Variants in ATAD5 observed in about 807,000 individuals in gnomAD.
ATAD5 encodes ATPase family AAA domain containing 5.
A neutral mutation model predicts 176.9 loss-of-function variants in ATAD5; 58 were observed. The ratio of observed to expected loss-of-function variants is 0.33; its 90% CI spans 0.27 to 0.41. The LOEUF is 0.41. Among genes scored for constraint, ATAD5 ranks in the 10% least tolerant of loss-of-function variants. The pLI is 1.00. For missense variants in ATAD5, 1,789 were observed against 2,094.1 expected (o/e 0.85, Z 2.84); for synonymous variants, 640 against 712.6 (o/e 0.90, Z 1.62).
rs71142005 is a variant in ATAD5, at chr17:30,878,718, G to GTTTTTTTTTTTTTTTTTTTTT, written c.4012+632_4012+652dup. Among the ~76,000 whole-genome samples the GTTTTTTTTTTTTTTTTTTTTT allele has an allele frequency of 5.3e-5, 3 of 56,838 alleles. 1 individual carries two copies. The highest frequency in any genetic ancestry group is 9.7e-5 in the Non-Finnish European group (3 of 30,944). 37.3% of individuals were successfully genotyped at this position (56,838 alleles called of 152,430 possible). A position where few individuals can be genotyped will look rare whatever the true frequency, so the allele number is the denominator to read the frequency against. ...TCTTATTAATCAGAAGTTAGGTGGT[G>GTTTTTTTTTTTTTTTTTTTTT]TTTTTTTTTTTTTTTTTTTTTTTTT... is the stretch of plus-strand genomic sequence containing the variant. On this transcript the variant is annotated intron_variant, in intron 17 of 22. Coordinates refer to ENST00000321990, the MANE Select transcript of ATAD5 (RefSeq NM_024857.5).
intron 9 of ATAD5, 114 bp from the exon 10 acceptor site, chr17:30,860,319 T>A (rs1907550670): frequency 4.0e-6 from 5 of 1,235,530 alleles, no homozygotes; most frequent in Non-Finnish European, 5.6e-6. Context: ...CCACTGCACC[T>A]GGATTGCCTT....
Position 30,834,498 on chromosome 17 carries a change from C to T in ATAD5, c.417C>T (p.Asp139=), listed in dbSNP as rs202218286. Residue 139 remains aspartate (D), a synonymous_variant, in exon 2 of 23, where the codon GAC becomes GAT. Transcript: ENST00000321990. ...ENEAPIEISS[D]DSKEDYSLNN... Reference sequence around the variant, plus strand: ...AAGCTCCAATTGAAATTAGTAGCGACGATAGCAAAGAAGACTATAGTTTAA... The same window carrying T: ...AAGCTCCAATTGAAATTAGTAGCGATGATAGCAAAGAAGACTATAGTTTAA... 148 of 1,585,464 alleles carry T rather than the reference C, an allele frequency of 9.3e-5. No homozygotes were observed. Among genetic ancestry groups the T allele is most frequent in the East Asian group, 1.3e-4 (6 of 44,726 alleles).
chr17:30,835,474 A>G lies in ATAD5; in HGVS notation c.1393A>G (p.Thr465Ala). The G allele has an allele frequency of 6.2e-7, 1 of 1,609,576 alleles. No homozygotes were observed. The highest frequency in any genetic ancestry group is 1.3e-5 in the African/African-American group (1 of 74,792). The change falls in exon 2 of 23, where the codon ACT (threonine) becomes GCT (alanine). Residue 465 changes from threonine (T) to alanine (A), a missense_variant. Transcript: ENST00000321990. Reference sequence around the variant, plus strand: ...AAAAAATGGCAATTTACAGTTACACACTGATAAAGGAAGTTTTCTGAAGGA... The same window carrying G: ...AAAAAATGGCAATTTACAGTTACACGCTGATAAAGGAAGTTTTCTGAAGGA... Reference protein sequence around the residue: ...VSKNGNLQLHTDKGSFLKEKN... With the variant: ...VSKNGNLQLHADKGSFLKEKN...
chr17:30,840,657 T>C lies in ATAD5; in HGVS notation c.2117T>C (p.Leu706Ser). 1 of 1,582,180 alleles carries C rather than the reference T, an allele frequency of 6.3e-7. No individual in the cohort carries two copies. The highest frequency in any genetic ancestry group is 8.6e-7 in the Non-Finnish European group (1 of 1,166,028). The stretch of plus-strand genomic sequence containing the variant: ...AAAAACATATCAAAAGCAAAACAAT[T>C]GATTGAAAAAGCAAAAGCTTTACAC... Reference protein sequence around the residue: ...TSKNISKAKQLIEKAKALHIS... With the variant: ...TSKNISKAKQSIEKAKALHIS... The change falls in exon 4 of 23, where the codon TTG (leucine) becomes TCG (serine). Residue 706 changes from leucine (L) to serine (S), a missense_variant. Physicochemically the swap from Leu to Ser is moderately radical, Grantham distance 145. Around this residue, in one of 6 missense-constraint regions of ATAD5, gnomAD observed 487 missense variants for 573.6 expected, o/e 0.85. Coordinates refer to ENST00000321990, the MANE Select transcript of ATAD5 (RefSeq NM_024857.5).
chr17:30,869,752 G>T (rs1050956528), intron 14 of ATAD5, 106 bp downstream of exon 14: 3 of 1,262,896 alleles, frequency 2.4e-6, no homozygotes, highest in Admixed American at 2.9e-5. Flanking sequence ...TCTTCTACAC[G>T]TACACGTTTC....
intron 3 of ATAD5, among the ~76,000 whole-genome samples, chr17:30,840,097 C>T (rs1906008009): frequency 6.7e-6 from 1 of 149,868 alleles, no homozygotes; most frequent in Admixed American, 6.7e-5. Flanking sequence ...ACTTGGGAGG[C>T]TGAGGCAGGA....
chr17:30,885,623 CTTTTTTTTTTTTTT>C (rs778733612), intron 18 of ATAD5, among the ~76,000 whole-genome samples: 1 of 93,812 alleles, frequency 1.1e-5, no homozygotes, highest in African/African-American at 4.0e-5. Context: ...TTCCAACTTT[CTTTTTTTTTTTTTT>C]TTTTTTTTTT....
At chr17:30,888,275 G>A (rs1165472939) in intron 19 of ATAD5, among the ~76,000 whole-genome samples, 1 of 152,074 alleles carries the variant, frequency 6.6e-6, no homozygotes, top group East Asian at 1.9e-4. Context: ...ATTTTGGCCT[G>A]GCACAGTGTC....
chr17:30,844,426 C>T (rs370418943), intron 5 of ATAD5, among the ~76,000 whole-genome samples: 292 of 152,032 alleles, frequency 1.9e-3, no homozygotes, highest in African/African-American at 6.5e-3. Flanking sequence ...CCACTGCACC[C>T]GGCCTGTGTT....
intron 4 of ATAD5, among the ~76,000 whole-genome samples, chr17:30,843,314 T>C (rs1906246989): frequency 6.6e-6 from 1 of 151,706 alleles, no homozygotes; most frequent in African/African-American, 2.4e-5. Flanking sequence ...ATCATGTTAC[T>C]GCACTCCACC....
chr17:30,877,972 A>C lies in ATAD5; in HGVS notation c.3919-31A>C, dbSNP rs573329055. 9.3e-6 allele frequency: 13 copies of C among 1,395,706 alleles called. No individual in the cohort carries two copies. The South Asian group carries it at 1.3e-4, about 14-fold the overall frequency. 86.5% of individuals were successfully genotyped at this position (1,395,706 alleles called of 1,614,324 possible). On this transcript the variant is annotated intron_variant, in intron 16 of 22. Coordinates refer to ENST00000321990, the MANE Select transcript of ATAD5 (RefSeq NM_024857.5). The stretch of plus-strand genomic sequence containing the variant: ...ATACATAACTGATATTAGTAAGTGT[A>C]TTAATATATTAATATTCTAATAAAC...
In ATAD5 at chr17:30,835,096, A is replaced by G. The variant is rs772520661; in HGVS notation, c.1015A>G (p.Ile339Val). The G allele has an allele frequency of 6.2e-7, 1 of 1,614,088 alleles. No individual in the cohort carries two copies. Among genetic ancestry groups the G allele is most frequent in the South Asian group, 1.1e-5 (1 of 91,080 alleles). Residue 339 changes from isoleucine to valine, a missense_variant, in exon 2 of 23, where the codon ATA becomes GTA. Coordinates refer to ENST00000321990, the MANE Select transcript of ATAD5 (RefSeq NM_024857.5). Reference sequence around the variant, plus strand: ...TATTCCGCCCAAAAAGACAGGGAAAATACCCCGAATTTTCTTGAAACAAAA... The same window carrying G: ...TATTCCGCCCAAAAAGACAGGGAAAGTACCCCGAATTTTCTTGAAACAAAA... ...HPIPPKKTGK[I>V]PRIFLKQKQF...
At chr17:30,839,684 G>A (rs1177747314) in intron 3 of ATAD5, among the ~76,000 whole-genome samples, 6 of 102 alleles carry the variant, frequency 0.059, no homozygotes, top group Admixed American at 0.17. Context: ...GGTTCAAGCG[G>A]ATTCTCCTGC....
chr17:30,870,856 G>A (rs969972582), intron 14 of ATAD5, among the ~76,000 whole-genome samples: 3 of 151,966 alleles, frequency 2.0e-5, no homozygotes, highest in Admixed American at 2.0e-4. Flanking sequence ...TAAGTAATTT[G>A]ATTATGATGT....
rs1363527938 is a variant in ATAD5 at position 30,835,051 on chromosome 17, G to C, written c.970G>C (p.Val324Leu). Residue 324 changes from valine to leucine, a missense_variant, in exon 2 of 23, where the codon GTT (valine) becomes CTT (leucine). This residue lies in a region of ATAD5 where 696 missense variants were observed against 712.5 expected (regional missense o/e 0.98). Transcript: ENST00000321990. ...SQQVRFKTVTVLAQVHPIPPK... is the reference protein window; with the variant it reads ...SQQVRFKTVTLLAQVHPIPPK... ...GCAGGTACGCTTTAAGACAGTTACT[G>C]TTCTTGCACAGGTTCACCCTATTCC... 6.2e-7 allele frequency: 1 copy of C among 1,613,984 alleles called. No homozygotes were observed. Among genetic ancestry groups the C allele is most frequent in the Non-Finnish European group, 8.5e-7 (1 of 1,179,996 alleles).
chr17:30,891,641 G>A (rs1909643842), intron 19 of ATAD5, among the ~76,000 whole-genome samples: 1 of 151,964 alleles, frequency 6.6e-6, no homozygotes, highest in African/African-American at 2.4e-5. Flanking sequence ...CCAAAGTGCT[G>A]GGATTACAGG....
intron 3 of ATAD5, among the ~76,000 whole-genome samples, chr17:30,837,874 A>G (rs1015136678): frequency 3.9e-5 from 6 of 152,198 alleles, no homozygotes; most frequent in African/African-American, 9.6e-5. Flanking sequence ...CAGGGGATGT[A>G]TTCAGTCTGT....
At chr17:30,840,194 T>C (rs2142314522) in intron 3 of ATAD5, among the ~76,000 whole-genome samples, 1 of 102,998 alleles carries the variant, frequency 9.7e-6, no homozygotes, top group South Asian at 3.1e-4. Flanking sequence ...CTAGACTCTG[T>C]TAAAAAAAAA....
intron 18 of ATAD5, among the ~76,000 whole-genome samples, chr17:30,885,641 T>G (rs1432042130): frequency 2.2e-5 from 3 of 135,766 alleles, no homozygotes; most frequent in South Asian, 2.3e-4. Flanking sequence ...TTTTTTTTTT[T>G]TTTTTTGGTT....
Sources: allele counts gnomAD v4.1 joint callset (sites outside exome capture counted in the v4.1 genomes callset), GRCh38; gene constraint gnomAD v4.1.1; regional missense constraint gnomAD v4.1.1; transcripts MANE v1.5; gene names NCBI Gene and HGNC (gene_info 2026-07-23, HGNC 2026-07-21).